Variants in ATRNL1 observed in about 807,000 individuals in gnomAD.
ATRNL1 encodes attractin-like protein 1.
ATRNL1 carries 95 observed loss-of-function variants against 182.7 expected under a neutral mutation model. That is an observed-to-expected ratio of 0.52 (90% confidence interval 0.44 to 0.62). The LOEUF (loss-of-function observed/expected upper bound fraction) is 0.62, where lower values mean the gene tolerates loss of function less well. ATRNL1 is among the 20% of genes least tolerant of loss of function. ATRNL1 has a pLI of 0.00. For missense variants in ATRNL1, 1,471 were observed against 1,679.5 expected (o/e 0.88, Z 2.17); for synonymous variants, 576 against 568.3 (o/e 1.01, Z -0.19).
At chr10:115,268,241 A>T in intron 12 of ATRNL1, 85 bp from the exon 13 acceptor site, 1 of 781,314 alleles carries the variant, frequency 1.3e-6, no homozygotes, top group Non-Finnish European at 2.2e-6. Flanking sequence ...AGTGATTCTT[A>T]ATGATTCTTA....
At chr10:115,791,450 C>G (rs1276901625) in intron 27 of ATRNL1, among the ~76,000 whole-genome samples, 1 of 152,114 alleles carries the variant, frequency 6.6e-6, no homozygotes, top group Non-Finnish European at 1.5e-5. Flanking sequence ...AAGAAGCTCC[C>G]TGGGTGTTCG....
In ATRNL1 at chr10:115,093,825, GGGC is replaced by G. The variant is rs782236609; in HGVS notation, c.87_89del (p.Gly31del). 1.0e-4 allele frequency: 156 copies of G among 1,505,482 alleles called. No individual in the cohort carries two copies. The highest frequency in any genetic ancestry group is 3.9e-4 in the Admixed American group (18 of 46,384). 93.3% of individuals were successfully genotyped at this position (1,505,482 alleles called of 1,614,324 possible). A position where few individuals can be genotyped will look rare whatever the true frequency, so the allele number is the denominator to read the frequency against. On this transcript the variant is annotated inframe_deletion, in exon 1 of 29. Coordinates refer to ENST00000355044, the MANE Select transcript of ATRNL1 (RefSeq NM_207303.4). This position sits in a 1 kb window ranked among gnomAD's most constrained non-coding sequence, Gnocchi z 6.1. ...CGGGGGTGTGGAGGGCTCGGCCGGC[GGGC>G]GGCGGCGGCGGGGGCGCCTCCTCCT...
At chr10:115,801,774 G>T (rs1168209489) in intron 27 of ATRNL1, among the ~76,000 whole-genome samples, 1 of 151,986 alleles carries the variant, frequency 6.6e-6, no homozygotes, top group Non-Finnish European at 1.5e-5. Flanking sequence ...AATAGCAAAT[G>T]ATTTTCTTGT....
intron 28 of ATRNL1, among the ~76,000 whole-genome samples, chr10:115,938,132 C>A (rs1382348809): frequency 2.0e-5 from 3 of 152,098 alleles, no homozygotes; most frequent in African/African-American, 4.8e-5. Context: ...ATGTTCTTTC[C>A]AAGGCAATTT....
rs146193571 is a variant in ATRNL1, at chr10:115,873,256, G to T, written c.4018+25265G>T. On this transcript the variant is annotated intron_variant, in intron 28 of 28. Transcript: ENST00000355044. ...CACAGTGAAAGAAAAATCTTGCCAAGGCAAGGATGACAAGGAACCAGGACC... is the reference window on the plus strand; with the variant it reads ...CACAGTGAAAGAAAAATCTTGCCAATGCAAGGATGACAAGGAACCAGGACC... Among the ~76,000 whole-genome samples the T allele has an allele frequency of 2.3e-3, 355 of 152,292 alleles. 1 individual carries two copies. The highest frequency in any genetic ancestry group is 8.1e-3 in the African/African-American group (338 of 41,556).
chr10:115,530,465 A>G (rs1851501285), intron 25 of ATRNL1, among the ~76,000 whole-genome samples: 1 of 152,178 alleles, frequency 6.6e-6, no homozygotes, highest in Non-Finnish European at 1.5e-5. Flanking sequence ...ATTAAAAATG[A>G]AAGATTAAAG....
At chr10:115,473,359 TTTTA>T (rs1307451967) in intron 24 of ATRNL1, among the ~76,000 whole-genome samples, 3 of 151,296 alleles carry the variant, frequency 2.0e-5, no homozygotes, top group Non-Finnish European at 4.4e-5. Flanking sequence ...TAGTATTCAT[TTTTA>T]TTTATTTGTT....
At chr10:115,254,386 G>A (rs552170383) in intron 10 of ATRNL1, among the ~76,000 whole-genome samples, 37 of 152,326 alleles carry the variant, frequency 2.4e-4, no homozygotes, top group African/African-American at 8.9e-4. Flanking sequence ...CTGATGACCA[G>A]TGATGATGAG....
intron 20 of ATRNL1, among the ~76,000 whole-genome samples, chr10:115,401,128 T>C (rs932498657): frequency 2.0e-4 from 30 of 152,062 alleles, no homozygotes; most frequent in African/African-American, 7.2e-5. Flanking sequence ...TTTTCATAAT[T>C]AATTATTCTA....
chr10:115,372,585 G>T (rs1857454925), intron 19 of ATRNL1, among the ~76,000 whole-genome samples: 2 of 152,096 alleles, frequency 1.3e-5, no homozygotes, highest in African/African-American at 4.8e-5. Context: ...TCATTCTTAT[G>T]CATGTAAATA....
At chr10:115,804,049 CTTCT>C (rs1299337101) in intron 27 of ATRNL1, among the ~76,000 whole-genome samples, 1 of 152,064 alleles carries the variant, frequency 6.6e-6, no homozygotes, top group Non-Finnish European at 1.5e-5. Flanking sequence ...ACATAATTAT[CTTCT>C]TTAATTTTTA....
chr10:115,755,270 A>G (rs2134130355), intron 27 of ATRNL1, among the ~76,000 whole-genome samples: 1 of 152,252 alleles, frequency 6.6e-6, no homozygotes, highest in African/African-American at 2.4e-5. Flanking sequence ...TAATGCCTCC[A>G]GTTTTTGCCC....
At chr10:115,257,623 G>A (rs144063424) in intron 10 of ATRNL1, among the ~76,000 whole-genome samples, 11 of 152,228 alleles carry the variant, frequency 7.2e-5, no homozygotes, top group African/African-American at 2.2e-4. Context: ...GGTTAATATT[G>A]TTATGTGTGA....
chr10:115,729,554 C>G (rs1358060412), intron 27 of ATRNL1, among the ~76,000 whole-genome samples: 1 of 140,556 alleles, frequency 7.1e-6, no homozygotes, highest in East Asian at 2.1e-4. Flanking sequence ...AGCCTTGCTT[C>G]TTTTTGTTTT....
At chr10:115,756,912 T>C (rs573433506) in intron 27 of ATRNL1, among the ~76,000 whole-genome samples, 3 of 152,248 alleles carry the variant, frequency 2.0e-5, no homozygotes, top group South Asian at 4.1e-4. Flanking sequence ...TTTACCATTA[T>C]GTAATACTCT....
chr10:115,583,395 T>C (rs1855266580), intron 26 of ATRNL1, among the ~76,000 whole-genome samples: 1 of 109,032 alleles, frequency 9.2e-6, no homozygotes, highest in Non-Finnish European at 2.0e-5. Flanking sequence ...TGGAATGTTC[T>C]TCCATTTGTT....
chr10:115,426,227 AAT>A, intron 20 of ATRNL1, 21 bp from the exon 21 acceptor site: 2 of 1,606,266 alleles, frequency 1.2e-6, no homozygotes, highest in Non-Finnish European at 1.7e-6. Flanking sequence ...TTTAATAGTA[AAT>A]GAGTTTTTGT....
chr10:115,867,657 AAC>A (rs1424420415), intron 28 of ATRNL1, among the ~76,000 whole-genome samples: 3 of 152,062 alleles, frequency 2.0e-5, no homozygotes, highest in Non-Finnish European at 2.9e-5. Flanking sequence ...ACAGATTGGG[AAC>A]ACACAGTTTC....
intron 28 of ATRNL1, among the ~76,000 whole-genome samples, chr10:115,929,937 T>G (rs1953345522): frequency 6.6e-6 from 1 of 152,140 alleles, no homozygotes; most frequent in African/African-American, 2.4e-5. Flanking sequence ...TTAAGCAACC[T>G]GTGAAAGAAG....
Sources: allele counts gnomAD v4.1 joint callset (sites outside exome capture counted in the v4.1 genomes callset), GRCh38; gene constraint gnomAD v4.1.1; non-coding constraint Gnocchi (gnomAD v3.1); transcripts MANE v1.5; gene names NCBI Gene and HGNC (gene_info 2026-07-23, HGNC 2026-07-21).